The following IGSF10 variants were observed in gnomAD, a reference collection of about 807,000 sequenced individuals.
IGSF10 encodes immunoglobulin superfamily member 10.
IGSF10 carries 126 observed loss-of-function variants against 128.2 expected under a neutral mutation model. The ratio of observed to expected loss-of-function variants is 0.98; its 90% confidence interval spans 0.85 to 1.14. IGSF10 has a LOEUF of 1.14. IGSF10 is among the 50% of genes most tolerant of loss of function. IGSF10 has a pLI of 0.00. For missense variants in IGSF10, 3,295 were observed against 3,149.8 expected, an observed-to-expected ratio of 1.05 and a Z score of -1.10; for synonymous variants, 1,185 against 1,146.2, an observed-to-expected ratio of 1.03 and a Z score of -0.68.
the IGSF10 span, among the ~76,000 whole-genome samples, chr3:151,517,939 A>G: frequency 6.6e-6 from 1 of 152,030 alleles, no homozygotes; most frequent in African/African-American, 2.4e-5. Flanking sequence ...CCTTGTTCTC[A>G]CCTTACGAAC....
the IGSF10 span, among the ~76,000 whole-genome samples, chr3:151,575,254 AG>A: frequency 6.6e-6 from 1 of 150,936 alleles, no homozygotes; most frequent in Non-Finnish European, 1.5e-5. Context: ...TGCTTTCTTC[AG>A]GGCTGTCAGA....
At chr3:151,568,901 G>C in the IGSF10 span, among the ~76,000 whole-genome samples, 2 of 152,184 alleles carry the variant, frequency 1.3e-5, no homozygotes, top group Non-Finnish European at 2.9e-5. Flanking sequence ...TTAATATAGG[G>C]AATCAATAGA....
At chr3:151,499,205 C>T in the IGSF10 span, among the ~76,000 whole-genome samples, 1 of 152,052 alleles carries the variant, frequency 6.6e-6, no homozygotes, top group East Asian at 1.9e-4. Flanking sequence ...AAGCATTATA[C>T]CCTGAACAAT....
the IGSF10 span, among the ~76,000 whole-genome samples, chr3:151,556,590 G>A: frequency 5.3e-5 from 8 of 152,108 alleles, no homozygotes; most frequent in Admixed American, 4.6e-4. Context: ...GTAAGGAAGA[G>A]AGAGAGAGAG....
At chr3:151,484,989 G>A in the IGSF10 span, among the ~76,000 whole-genome samples, 1 of 152,044 alleles carries the variant, frequency 6.6e-6, no homozygotes, top group Admixed American at 6.5e-5. Context: ...CAGAAGGTGG[G>A]TAATAACAAA....
At chr3:151,444,845 T>G in intron 6 of IGSF10, 74 bp downstream of exon 6, 1 of 1,394,632 alleles carries the variant, frequency 7.2e-7, no homozygotes, top group Non-Finnish European at 9.7e-7. Context: ...TCTTTGGATG[T>G]TTAATCCCAA....
At chr3:151,567,836 AC>A in the IGSF10 span, among the ~76,000 whole-genome samples, 7 of 152,148 alleles carry the variant, frequency 4.6e-5, no homozygotes, top group African/African-American at 1.7e-4. Context: ...AAAGGCGCTG[AC>A]CCCTGCTTTT....
At chr3:151,603,767 A>T in the IGSF10 span, among the ~76,000 whole-genome samples, 2 of 152,246 alleles carry the variant, frequency 1.3e-5, no homozygotes, top group African/African-American at 4.8e-5. Context: ...TGTGGTTCTC[A>T]TTCAATGGCT....
At chr3:151,528,800 G>GT in the IGSF10 span, among the ~76,000 whole-genome samples, 205 of 146,290 alleles carry the variant, frequency 1.4e-3, no homozygotes, top group East Asian at 4.1e-3. Context: ...AGCTGCAGGA[G>GT]TTTTTTTTTT....
At chr3:151,575,396 G>A in the IGSF10 span, among the ~76,000 whole-genome samples, 306 of 152,120 alleles carry the variant, frequency 2.0e-3, no homozygotes, top group African/African-American at 6.6e-3. Flanking sequence ...CGAGCTTCCC[G>A]GTCGCTTTTT....
the IGSF10 span, among the ~76,000 whole-genome samples, chr3:151,560,709 C>CG: frequency 3.9e-4 from 59 of 151,430 alleles, no homozygotes; most frequent in South Asian, 5.4e-3. Context: ...ATAGCCCCCC[C>CG]CTCCGTCCCA....
chr3:151,566,504 C>T, the IGSF10 span, among the ~76,000 whole-genome samples: 1 of 152,296 alleles, frequency 6.6e-6, no homozygotes, highest in African/African-American at 2.4e-5. Context: ...TGTGTTGTCC[C>T]TGCTTTGGGT....
the IGSF10 span, among the ~76,000 whole-genome samples, chr3:151,553,268 C>A: frequency 6.6e-6 from 1 of 152,016 alleles, no homozygotes; most frequent in Non-Finnish European, 1.5e-5. Context: ...TCCTTTATTT[C>A]AGCAAAATCA....
At chr3:151,532,275 C>T in the IGSF10 span, among the ~76,000 whole-genome samples, 2 of 152,180 alleles carry the variant, frequency 1.3e-5, no homozygotes, top group African/African-American at 4.8e-5. Context: ...GGTACCATTC[C>T]TTCTGAAATT....
the IGSF10 span, among the ~76,000 whole-genome samples, chr3:151,470,060 G>A: frequency 5.3e-5 from 8 of 152,258 alleles, no homozygotes; most frequent in African/African-American, 9.6e-5. Flanking sequence ...GGTAAAATCA[G>A]CAGTACACTT....
the IGSF10 span, among the ~76,000 whole-genome samples, chr3:151,540,951 A>G: frequency 6.6e-6 from 1 of 152,198 alleles, no homozygotes; most frequent in South Asian, 2.1e-4. Flanking sequence ...CTGAACAACC[A>G]TCTACATTTT....
At chr3:151,615,814 T>C in the IGSF10 span, among the ~76,000 whole-genome samples, 1 of 152,142 alleles carries the variant, frequency 6.6e-6, no homozygotes, top group East Asian at 1.9e-4. Context: ...ATATTAACAG[T>C]AATTCTTAAA....
At chr3:151,544,402 C>G in the IGSF10 span, among the ~76,000 whole-genome samples, 284 of 152,272 alleles carry the variant, frequency 1.9e-3, 1 homozygote, top group African/African-American at 6.4e-3. Context: ...CTCTACCTCA[C>G]ATCTTTCTTT....
At chr3:151,498,781 C>A in the IGSF10 span, among the ~76,000 whole-genome samples, 3 of 152,046 alleles carry the variant, frequency 2.0e-5, no homozygotes, top group African/African-American at 7.2e-5. Flanking sequence ...GAATTTTTCC[C>A]CCATAATGGA....
Sources: allele counts gnomAD v4.1 joint callset (sites outside exome capture counted in the v4.1 genomes callset), GRCh38; gene constraint gnomAD v4.1.1; transcripts MANE v1.5; gene names NCBI Gene and HGNC (gene_info 2026-07-23, HGNC 2026-07-21).